The following SZT2 variants were observed in gnomAD, a reference collection of about 807,000 sequenced individuals.
SZT2 encodes the protein KICSTOR complex protein SZT2.
A neutral mutation model predicts 404.2 loss-of-function variants in SZT2; 216 were observed. The ratio of observed to expected loss-of-function variants is 0.53; its 90% CI spans 0.48 to 0.60. SZT2 has a LOEUF of 0.60. Ranked by LOEUF, SZT2 falls within the 20% of genes least tolerant of loss-of-function variation. SZT2 has a pLI of 0.00. For synonymous variants in SZT2, 1,693 were observed against 1,749.9 expected, an observed-to-expected ratio of 0.97 and a Z score of 0.81; for missense variants, 3,857 against 4,459.2, an observed-to-expected ratio of 0.86 and a Z score of 3.85.
In SZT2 at chr1:43,452,223, T is replaced by TG. The variant is rs1312174602; in HGVS notation, c.*1744dup. 6.2e-7 allele frequency: 1 copy of TG among 1,613,376 alleles called. No individual in the cohort carries two copies. Among genetic ancestry groups the TG allele is most frequent in the Non-Finnish European group, 8.5e-7 (1 of 1,179,658 alleles). On this transcript the variant is annotated 3_prime_UTR_variant, in exon 72 of 72. Transcript: ENST00000634258. ...TTCTCACCTGAGCCAAAACCCCAGC[T>TG]GCATGCCTCAGGTTCTCCAGAAAAA...
chr1:43,408,951 C>A (rs149876103), intron 4 of SZT2, among the ~76,000 whole-genome samples: 2 of 151,928 alleles, frequency 1.3e-5, no homozygotes, highest in Non-Finnish European at 2.9e-5. Context: ...GCAGGTTGTA[C>A]GAGTGTGATG....
Position 43,422,602 on chromosome 1 carries a change from A to G in SZT2, c.1892A>G (p.Glu631Gly). ...LRDWSSFVLV[E>G]GYSYVKLLSS... Reference sequence around the variant, plus strand: ...GACTGGAGCAGCTTCGTACTAGTCGAGGGCTATTCTTATGTTAAGCTGCTC... The same window carrying G: ...GACTGGAGCAGCTTCGTACTAGTCGGGGGCTATTCTTATGTTAAGCTGCTC... The change falls in exon 13 of 72, where the codon GAG becomes GGG. Residue 631 changes from glutamate (E) to glycine (G), a missense_variant. Coordinates refer to ENST00000634258, the MANE Select transcript of SZT2 (RefSeq NM_001365999.1). 6.3e-7 allele frequency: 1 copy of G among 1,597,306 alleles called. No individual in the cohort carries two copies. The highest frequency in any genetic ancestry group is 8.5e-7 in the Non-Finnish European group (1 of 1,179,344).
In SZT2 at chr1:43,442,462, C is replaced by G. The variant is rs764083996; in HGVS notation, c.7995C>G (p.Asn2665Lys). The G allele has an allele frequency of 5.6e-6, 9 of 1,613,568 alleles. No individual in the cohort carries two copies. Among genetic ancestry groups the G allele is most frequent in the Non-Finnish European group, 7.6e-6 (9 of 1,179,606 alleles). Residue 2665 changes from asparagine (N) to lysine (K), a missense_variant, in exon 58 of 72, where the codon AAC (asparagine) becomes AAG (lysine). Transcript: ENST00000634258. This position sits in a 1 kb window ranked among gnomAD's most constrained non-coding sequence, Gnocchi z 4.5. The part of the protein sequence containing the change: ...VDKKLQLLTY[N>K]WAPDLGAALG... ...TCCAGCTACAGCTGCTGACCTACAA[C>G]TGGGCTCCAGACCTGGGGGCAGCAT...
At chr1:43,422,659 C>CCCCCCCCT in intron 13 of SZT2, 27 bp downstream of exon 13, 1 of 872,434 alleles carries the variant, frequency 1.1e-6, no homozygotes, top group South Asian at 1.6e-5. Context: ...CCCTTCACCC[C>CCCCCCCCT]CCGCCCCCCC....
At position 43,453,209 on chromosome 1, in the gene SZT2, A is replaced by T. The variant is rs115834564; in HGVS notation, c.*2729A>T. On this transcript the variant is annotated 3_prime_UTR_variant, in exon 72 of 72. Coordinates refer to ENST00000634258, the MANE Select transcript of SZT2 (RefSeq NM_001365999.1). ...GGGTGAGCATGAAAGAGTGGCAAAC[A>T]GAGTGGCATAAGACAGATAAAATAC... The T allele has an allele frequency of 1.1e-3, 718 of 640,360 alleles. 9 individuals carry two copies. Among genetic ancestry groups the T allele is most frequent in the African/African-American group, 0.011 (590 of 55,114 alleles). 39.7% of individuals were successfully genotyped at this position (640,360 alleles called of 1,614,324 possible).
Position 43,424,371 on chromosome 1 carries a change from T to G in SZT2, c.2410T>G (p.Ser804Ala). Reference protein sequence around the residue: ...YHQRWLWSVPSGLAPALPLSA... With the variant: ...YHQRWLWSVPAGLAPALPLSA... ...TCAGCGCTGGCTTTGGAGTGTCCCG[T>G]CAGGACTGGCCCCTGCGCTGCCTCT... Residue 804 changes from serine (S) to alanine (A), a missense_variant, in exon 16 of 72, where the codon TCA (serine) becomes GCA (alanine). This residue lies in a region of SZT2 where 1,725 missense variants were observed against 1,881.0 expected (regional missense o/e 0.92). Transcript: ENST00000634258. The surrounding 1 kb of genome is among the most constrained non-coding windows in gnomAD (Gnocchi z 4.1). 6.3e-7 allele frequency: 1 copy of G among 1,598,082 alleles called. No individual in the cohort carries two copies. The highest frequency in any genetic ancestry group is 2.2e-5 in the East Asian group (1 of 44,880).
intron 6 of SZT2, 28 bp from the exon 7 acceptor site, chr1:43,416,507 A>G (rs764494467): frequency 1.3e-6 from 2 of 1,585,120 alleles, no homozygotes; most frequent in Non-Finnish European, 8.5e-7. Context: ...CAGTGTCTCC[A>G]GGTCTGATCT....
At chr1:43,399,407 C>T (rs1570550225) in intron 1 of SZT2, among the ~76,000 whole-genome samples, 1 of 152,154 alleles carries the variant, frequency 6.6e-6, no homozygotes, top group Non-Finnish European at 1.5e-5. Flanking sequence ...CTGTCATCTC[C>T]CCTAGTTGTT....
chr1:43,394,016 C>T, intron 1 of SZT2: 1 of 927,318 alleles, frequency 1.1e-6, no homozygotes, highest in Non-Finnish European at 1.3e-6. Context: ...GACCCCGAAA[C>T]TCTACTTTGT....
At chr1:43,399,483 T>C (rs1649407567) in intron 1 of SZT2, among the ~76,000 whole-genome samples, 2 of 150,806 alleles carry the variant, frequency 1.3e-5, no homozygotes, top group South Asian at 4.3e-4. Context: ...TTTTTTTTTT[T>C]TTTTTGAGAC....
chr1:43,453,660 G>C lies in SZT2; in HGVS notation c.*3180G>C, dbSNP rs1656712051. On this transcript the variant is annotated 3_prime_UTR_variant, in exon 72 of 72. Coordinates refer to ENST00000634258, the MANE Select transcript of SZT2 (RefSeq NM_001365999.1). ...TCGCGCGGCGCGCGCCAGCGCCTCA[G>C]GCGTCTCCGCGTACGGCCAGGCCAC... 2.7e-6 allele frequency: 4 copies of C among 1,485,628 alleles called. No homozygotes were observed. The highest frequency in any genetic ancestry group is 2.4e-5 in the Admixed American group (1 of 42,342). The allele number at this position is 1,485,628 out of a possible 1,614,324, so 92.0% of individuals were successfully genotyped here.
At chr1:43,403,054 C>T (rs556947918) in intron 1 of SZT2, 123 bp from the exon 2 acceptor site, 2 of 1,064,236 alleles carry the variant, frequency 1.9e-6, no homozygotes, top group African/African-American at 1.6e-5. Context: ...AAACTTTTCA[C>T]TTCTGCTGTT....
intron 1 of SZT2, among the ~76,000 whole-genome samples, chr1:43,396,920 G>A (rs1172658602): frequency 2.6e-5 from 4 of 152,220 alleles, no homozygotes. Flanking sequence ...ATGATTGAAA[G>A]ATGAAGTGAA....
At position 43,452,619 on chromosome 1, in the gene SZT2, A is replaced by T; in HGVS notation, c.*2139A>T. ...ACCTGCTAAATTCTCACCTTTAAAA[A>T]TTGTCCTGACCTTTGCTTGCCCTTC... On this transcript the variant is annotated 3_prime_UTR_variant, in exon 72 of 72. Transcript: ENST00000634258. 1 of 595,930 alleles carries T rather than the reference A, an allele frequency of 1.7e-6. No individual in the cohort carries two copies. Among genetic ancestry groups the T allele is most frequent in the South Asian group, 2.0e-5 (1 of 50,630 alleles). 36.9% of individuals were successfully genotyped at this position (595,930 alleles called of 1,614,324 possible). A position where few individuals can be genotyped will look rare whatever the true frequency, so the allele number is the denominator to read the frequency against.
rs1409830966 is a variant in SZT2 at position 43,404,452 on chromosome 1, C to A, written c.400C>A (p.Arg134=). 6.2e-7 allele frequency: 1 copy of A among 1,614,020 alleles called. No homozygotes were observed. The highest frequency in any genetic ancestry group is 8.5e-7 in the Non-Finnish European group (1 of 1,180,022). ...ALSRCLGGLL[R]PFRVPGSCID... is the part of the protein sequence containing the mutation. ...GTCCCGCTGCTTAGGCGGGCTGCTT[C>A]GGCCCTTCCGAGTGCCTGGATCTTG... The change falls in exon 4 of 72, where the codon CGG becomes AGG. Residue 134 remains arginine, a synonymous_variant. Transcript: ENST00000634258.
Position 43,452,314 on chromosome 1 carries a change from T to G in SZT2, c.*1834T>G. The G allele has an allele frequency of 1.2e-6, 2 of 1,613,250 alleles. No individual in the cohort carries two copies. The highest frequency in any genetic ancestry group is 3.3e-4 in the Middle Eastern group (2 of 6,062). On this transcript the variant is annotated 3_prime_UTR_variant, in exon 72 of 72. Coordinates refer to ENST00000634258, the MANE Select transcript of SZT2 (RefSeq NM_001365999.1). The stretch of plus-strand genomic sequence containing the variant: ...CTGGGGTACTCGGCCAGCCATCAGG[T>G]GGATCCTGTGGGGAAGATGGACTGG...
Position 43,429,806 on chromosome 1 carries a change from A to C in SZT2, c.4270A>C (p.Arg1424=), listed in dbSNP as rs1187853717. The change falls in exon 29 of 72, where the codon AGA becomes CGA. Residue 1424 remains arginine, a synonymous_variant. Transcript: ENST00000634258. ...CTCTCTGACAGATGTCTGCCAGCTC[A>C]GAGGAGAGGCCCATGGTGCCCTTCA... ...EISLTDVCQL[R]GEAHGALHSV... is the part of the protein sequence containing the mutation. 1 of 1,614,082 alleles carries C rather than the reference A, an allele frequency of 6.2e-7. No homozygotes were observed. The highest frequency in any genetic ancestry group is 8.5e-7 in the Non-Finnish European group (1 of 1,180,038).
At position 43,441,681 on chromosome 1, in the gene SZT2, C is replaced by T; in HGVS notation, c.7610-5C>T. ...CAGCTCCACAGTGACTCCTCTGCCT[C>T]CTAGGTTGTGCCTCAGTGTCCAGAA... On this transcript the variant is annotated splice_region_variant and splice_polypyrimidine_tract_variant and intron_variant, in intron 54 of 71. Coordinates refer to ENST00000634258, the MANE Select transcript of SZT2 (RefSeq NM_001365999.1). The surrounding 1 kb of genome is among the most constrained non-coding windows in gnomAD (Gnocchi z 4.8). The T allele has an allele frequency of 6.2e-7, 1 of 1,614,160 alleles. No homozygotes were observed. Among genetic ancestry groups the T allele is most frequent in the Non-Finnish European group, 8.5e-7 (1 of 1,180,018 alleles).
At chr1:43,413,705 A>C (rs1359894302) in intron 4 of SZT2, among the ~76,000 whole-genome samples, 2 of 147,918 alleles carry the variant, frequency 1.4e-5, no homozygotes, top group Admixed American at 7.0e-5. Flanking sequence ...CCAGGCACAG[A>C]AAGACAAACT....
Sources: gnomAD v4.1 joint callset for allele counts (sites outside exome capture counted in the v4.1 genomes callset) on GRCh38, gnomAD v4.1.1 for gene constraint, gnomAD v4.1.1 regional missense constraint, Gnocchi (gnomAD v3.1) non-coding constraint, MANE v1.5 for transcripts, NCBI Gene and HGNC (gene_info 2026-07-23, HGNC 2026-07-21) for gene names.